Variants in ROBO2 observed in about 807,000 individuals in gnomAD.
ROBO2 encodes the protein roundabout homolog 2.
A neutral mutation model predicts 160.8 loss-of-function variants in ROBO2; 53 were observed. The observed-to-expected ratio is 0.33, with a 90% confidence interval of 0.26 to 0.41. The LOEUF is 0.41. Ranked by LOEUF, ROBO2 falls within the 10% of genes least tolerant of loss-of-function variation. ROBO2 has a pLI of 1.00. For synonymous variants in ROBO2, 664 were observed against 611.7 expected (o/e 1.09, Z -1.26); for missense variants, 1,577 against 1,722.4 (o/e 0.92, Z 1.49).
At chr3:77,591,433 G>T (rs2094178119) in intron 17 of ROBO2, among the ~76,000 whole-genome samples, 1 of 152,084 alleles carries the variant, frequency 6.6e-6, no homozygotes, top group Non-Finnish European at 1.5e-5. Context: ...GTTGTAGCAG[G>T]CATGAGATTA....
intron 6 of ROBO2, among the ~76,000 whole-genome samples, chr3:77,523,767 C>T (rs1449465924): frequency 6.6e-6 from 1 of 151,350 alleles, no homozygotes; most frequent in Non-Finnish European, 1.5e-5. Context: ...TAGGCAAGCA[C>T]ATCCTTTCTC....
chr3:76,580,156 A>G (rs918131596), intron 2 of ROBO2, among the ~76,000 whole-genome samples: 2 of 151,952 alleles, frequency 1.3e-5, no homozygotes, highest in African/African-American at 2.4e-5. Context: ...TCATTTCTGT[A>G]GTATTTGAGT....
At chr3:77,069,135 T>G (rs1427086921) in intron 1 of ROBO2, among the ~76,000 whole-genome samples, 1 of 151,922 alleles carries the variant, frequency 6.6e-6, no homozygotes, top group Non-Finnish European at 1.5e-5. Context: ...TAAGAGAGAG[T>G]GTGCTGATCT....
chr3:77,569,023 A>G (rs1045934965), intron 13 of ROBO2, among the ~76,000 whole-genome samples: 1 of 152,008 alleles, frequency 6.6e-6, no homozygotes, highest in African/African-American at 2.4e-5. Flanking sequence ...ATTCCATTTT[A>G]TGGATACTTC....
At chr3:76,720,300 CTAT>C (rs2093444996) in intron 2 of ROBO2, among the ~76,000 whole-genome samples, 1 of 152,138 alleles carries the variant, frequency 6.6e-6, no homozygotes, top group African/African-American at 2.4e-5. Context: ...AGGAAAAAAT[CTAT>C]TGTGTCCAAG....
At chr3:76,839,080 G>A (rs183893423) in intron 2 of ROBO2, among the ~76,000 whole-genome samples, 1 of 152,092 alleles carries the variant, frequency 6.6e-6, no homozygotes, top group East Asian at 1.9e-4. Context: ...CATTTACAAG[G>A]CAAATGACAT....
At chr3:76,775,547 T>C (rs555156875) in intron 2 of ROBO2, among the ~76,000 whole-genome samples, 32 of 150,980 alleles carry the variant, frequency 2.1e-4, no homozygotes, top group Admixed American at 6.0e-4. Context: ...CTTGCTGTAC[T>C]TAGCAATGAA....
chr3:77,252,431 G>A (rs2090445905), intron 2 of ROBO2, among the ~76,000 whole-genome samples: 3 of 152,106 alleles, frequency 2.0e-5, no homozygotes, highest in African/African-American at 4.8e-5. Context: ...AACAAGATGT[G>A]TGCATAGCTT....
rs115377693 is a variant in ROBO2, at chr3:77,304,409, G to A, written c.389-173005G>A. Among the ~76,000 whole-genome samples the A allele has an allele frequency of 2.0e-3, 309 of 152,304 alleles. 2 individuals are homozygous for A. The highest frequency in any genetic ancestry group is 7.1e-3 in the African/African-American group (296 of 41,558). On this transcript the variant is annotated intron_variant, in intron 2 of 25. Transcript: ENST00000461745. ...AGCAACCAGTGGCTTGAGAAAGGCAGAGTCAAATATGTCTCTTGGGGCCCA... is the reference window on the plus strand; with the variant it reads ...AGCAACCAGTGGCTTGAGAAAGGCAAAGTCAAATATGTCTCTTGGGGCCCA...
intron 2 of ROBO2, among the ~76,000 whole-genome samples, chr3:76,718,332 G>T (rs2093414439): frequency 6.6e-6 from 1 of 152,116 alleles, no homozygotes; most frequent in Non-Finnish European, 1.5e-5. Context: ...AATAAACCAG[G>T]ATTCCTATCA....
At chr3:76,564,688 A>G (rs555616790) in intron 2 of ROBO2, among the ~76,000 whole-genome samples, 11 of 152,302 alleles carry the variant, frequency 7.2e-5, no homozygotes, top group African/African-American at 2.6e-4. Flanking sequence ...CGACTAATTC[A>G]TCTTCCCAGT....
chr3:77,576,724 A>T (rs891938343), intron 14 of ROBO2, among the ~76,000 whole-genome samples: 1 of 152,120 alleles, frequency 6.6e-6, no homozygotes, highest in Non-Finnish European at 1.5e-5. Flanking sequence ...CCCATTTCAC[A>T]TTTGACCCAA....
intron 2 of ROBO2, among the ~76,000 whole-genome samples, chr3:77,477,097 C>T (rs1008276004): frequency 1.3e-5 from 2 of 152,030 alleles, no homozygotes; most frequent in South Asian, 2.1e-4. Flanking sequence ...TAGAATTATA[C>T]TAATGAAGGG....
chr3:76,975,935 T>C (rs967152381), intron 2 of ROBO2, among the ~76,000 whole-genome samples: 1 of 152,146 alleles, frequency 6.6e-6, no homozygotes, highest in Non-Finnish European at 1.5e-5. Flanking sequence ...TAACCAGATC[T>C]CAAATATGCA....
intron 2 of ROBO2, among the ~76,000 whole-genome samples, chr3:76,409,451 G>T (rs573902219): frequency 6.6e-6 from 1 of 152,084 alleles, no homozygotes; most frequent in South Asian, 2.1e-4. Flanking sequence ...CTCATAATCA[G>T]CCTTTTCCTT....
At chr3:77,618,718 G>T (rs557137052) in intron 22 of ROBO2, among the ~76,000 whole-genome samples, 71 of 152,108 alleles carry the variant, frequency 4.7e-4, no homozygotes, top group African/African-American at 1.6e-3. Context: ...ACTATACATA[G>T]AAAGAGATAC....
Position 77,295,667 on chromosome 3 carries a change from A to C in ROBO2, c.389-181747A>C, listed in dbSNP as rs1409815930. Among the ~76,000 whole-genome samples, 2 of 150,268 alleles carry C rather than the reference A, an allele frequency of 1.3e-5. 1 individual carries two copies. The highest frequency in any genetic ancestry group is 3.0e-5 in the Non-Finnish European group (2 of 67,640). The stretch of plus-strand genomic sequence containing the variant: ...TGAGGCTAGATCACCCCAGACATAA[A>C]GTAAAATTGATGGTTAAACGGGAAG... On this transcript the variant is annotated intron_variant, in intron 2 of 25. Coordinates refer to ENST00000461745, the Ensembl canonical transcript of ROBO2.
intron 2 of ROBO2, among the ~76,000 whole-genome samples, chr3:77,463,788 C>T (rs1039573329): frequency 1.3e-5 from 2 of 151,956 alleles, no homozygotes; most frequent in Non-Finnish European, 2.9e-5. Flanking sequence ...ACCATGTTGC[C>T]CAAAATGGTC....
intron 2 of ROBO2, among the ~76,000 whole-genome samples, chr3:76,830,903 A>C (rs1346656838): frequency 6.6e-6 from 1 of 151,942 alleles, no homozygotes; most frequent in Non-Finnish European, 1.5e-5. Flanking sequence ...GTGGGAGGAT[A>C]GTTTGAGCCC....
Sources: allele counts gnomAD v4.1 joint callset (sites outside exome capture counted in the v4.1 genomes callset), GRCh38; gene constraint gnomAD v4.1.1; transcripts MANE v1.5; gene names NCBI Gene and HGNC (gene_info 2026-07-23, HGNC 2026-07-21).